ZNF264: variants seen among roughly 807,000 people sequenced by gnomAD.
ZNF264 encodes zinc finger protein 264.
Under a neutral mutation model 11.2 loss-of-function variants are expected in ZNF264, and 11 were observed. That is an observed-to-expected ratio of 0.98 (90% CI 0.62 to 1.63). ZNF264 has a LOEUF of 1.63. Among genes scored for constraint, ZNF264 ranks in the 40% most tolerant of loss-of-function variants. The pLI, the probability that ZNF264 is intolerant of heterozygous loss-of-function variation, is 0.00. For synonymous variants in ZNF264, 309 were observed against 279.8 expected (o/e 1.10, Z -1.04); for missense variants, 752 against 768.1 (o/e 0.98, Z 0.25).
chr19:57,212,871 A>G lies in ZNF264; in HGVS notation c.1774A>G (p.Lys592Glu), dbSNP rs745817610. The G allele has an allele frequency of 1.4e-5, 23 of 1,614,212 alleles. No homozygotes were observed. The highest frequency in any genetic ancestry group is 1.9e-5 in the Non-Finnish European group (22 of 1,180,036). Residue 592 changes from lysine (K) to glutamate (E), a missense_variant, in exon 4 of 4, where the codon AAG becomes GAG. Transcript: ENST00000263095. ...SVTLRELLLG[K>E]DFLNVTTEAN... Reference sequence around the variant, plus strand: ...TACCCTTCGAGAACTTCTTTTAGGGAAGGACTTTTTGAATGTAACCACTGA... The same window carrying G: ...TACCCTTCGAGAACTTCTTTTAGGGGAGGACTTTTTGAATGTAACCACTGA...
In ZNF264 at chr19:57,211,936, T is replaced by C; in HGVS notation, c.839T>C (p.Ile280Thr). 1 of 1,613,718 alleles carries C rather than the reference T, an allele frequency of 6.2e-7. No homozygotes were observed. Among genetic ancestry groups the C allele is most frequent in the Non-Finnish European group, 8.5e-7 (1 of 1,179,952 alleles). Residue 280 changes from isoleucine (I) to threonine (T), a missense_variant, in exon 4 of 4, where the codon ATT (isoleucine) becomes ACT (threonine). Coordinates refer to ENST00000263095, the MANE Select transcript of ZNF264 (RefSeq NM_003417.5). ...TCATACCTTACCCAGCACCAGCGGA[T>C]TCACAGTGGAGAGAAGCCTTACAAG... ...RKSYLTQHQR[I>T]HSGEKPYKCN...
At chr19:57,200,866 C>T (rs2087248040) in intron 2 of ZNF264, among the ~76,000 whole-genome samples, 1 of 151,900 alleles carries the variant, frequency 6.6e-6, no homozygotes, top group African/African-American at 2.4e-5. Flanking sequence ...TCCGCCTCAG[C>T]CTCCCAAAGT....
chr19:57,200,019 A>AG (rs10688254), intron 2 of ZNF264, among the ~76,000 whole-genome samples: 2 of 7,438 alleles, frequency 2.7e-4, no homozygotes, highest in Non-Finnish European at 6.4e-4. Context: ...AAAAAAAGAA[A>AG]AAATGATGAA....
intron 3 of ZNF264, among the ~76,000 whole-genome samples, chr19:57,208,284 A>G (rs930356753): frequency 2.0e-5 from 3 of 152,160 alleles, no homozygotes; most frequent in Admixed American, 1.3e-4. Context: ...AGTGGCTCAC[A>G]CCATAATCCC....
chr19:57,201,927 A>G (rs8108292), intron 2 of ZNF264, among the ~76,000 whole-genome samples: 74,412 of 151,472 alleles, frequency 0.49, 19,290 homozygotes, highest in African/African-American at 0.62. Flanking sequence ...ATTTGTATCT[A>G]TGGGCCAAGT....
At chr19:57,199,991 A>T (rs2087239191) in intron 2 of ZNF264, among the ~76,000 whole-genome samples, 1 of 119,314 alleles carries the variant, frequency 8.4e-6, no homozygotes. Flanking sequence ...TGCCTATTAA[A>T]CCTCCACTCC....
intron 2 of ZNF264, among the ~76,000 whole-genome samples, chr19:57,199,986 A>G (rs996738289): frequency 1.5e-5 from 2 of 135,148 alleles, no homozygotes; most frequent in African/African-American, 6.1e-5. Context: ...TCTTCTGCCT[A>G]TTAAACCTCC....
Position 57,214,149 on chromosome 19 carries a change from A to C in ZNF264, c.*1168A>C, listed in dbSNP as rs763979921. On this transcript the variant is annotated 3_prime_UTR_variant, in exon 4 of 4. Transcript: ENST00000263095. The stretch of plus-strand genomic sequence containing the variant: ...TTCGACAGAATCCTTGGAATTTTCT[A>C]TATAGAAATGTCATCTGCAAATACA... 1 of 152,200 alleles carries C rather than the reference A, an allele frequency of 6.6e-6. No individual in the cohort carries two copies. Among genetic ancestry groups the C allele is most frequent in the Non-Finnish European group, 1.5e-5 (1 of 68,036 alleles). The allele number at this position is 152,200 out of a possible 1,614,324, so 9.4% of individuals were successfully genotyped here. A position where few individuals can be genotyped will look rare whatever the true frequency, so the allele number is the denominator to read the frequency against.
At chr19:57,206,802 TA>T (rs2087296348) in intron 3 of ZNF264, among the ~76,000 whole-genome samples, 1 of 148,468 alleles carries the variant, frequency 6.7e-6, no homozygotes, top group Non-Finnish European at 1.5e-5. Flanking sequence ...AATCAGACAC[TA>T]AGAAGCAGTA....
chr19:57,194,110 C>G (rs2087195337), intron 2 of ZNF264, 109 bp downstream of exon 2: 2 of 1,440,036 alleles, frequency 1.4e-6, no homozygotes, highest in African/African-American at 2.9e-5. Context: ...TCTACCTTGC[C>G]TCTTTCCCAC....
At chr19:57,210,233 A>G (rs558752736) in intron 3 of ZNF264, among the ~76,000 whole-genome samples, 5 of 152,186 alleles carry the variant, frequency 3.3e-5, no homozygotes, top group African/African-American at 1.2e-4. Context: ...GACTCACTTC[A>G]TTGAGCACCT....
intron 2 of ZNF264, among the ~76,000 whole-genome samples, chr19:57,196,462 A>G (rs925962951): frequency 1.3e-5 from 2 of 151,898 alleles, no homozygotes; most frequent in South Asian, 4.1e-4. Context: ...ATGGTTCCAT[A>G]TTGAGGGCTC....
Position 57,212,284 on chromosome 19 carries a change from A to G in ZNF264, c.1187A>G (p.Glu396Gly). Residue 396 changes from glutamate (E) to glycine (G), a missense_variant, in exon 4 of 4, where the codon GAG (glutamate) becomes GGG (glycine). Coordinates refer to ENST00000263095, the MANE Select transcript of ZNF264 (RefSeq NM_003417.5). ...CACCACTATGTCATCCACACTGGAG[A>G]GAAGCCCTTTGAGTGCCTCGAGTGT... is the stretch of plus-strand genomic sequence containing the variant. ...LIHHYVIHTG[E>G]KPFECLECGK... 1 of 1,614,076 alleles carries G rather than the reference A, an allele frequency of 6.2e-7. No homozygotes were observed. Among genetic ancestry groups the G allele is most frequent in the East Asian group, 2.2e-5 (1 of 44,858 alleles).
At chr19:57,201,141 T>C (rs76891600) in intron 2 of ZNF264, among the ~76,000 whole-genome samples, 1,579 of 152,060 alleles carry the variant, frequency 0.01, 66 homozygotes, top group African/African-American at 0.037. Context: ...GGTATTGTGT[T>C]TGCTAGGCCT....
At chr19:57,200,617 C>T (rs1182273784) in intron 2 of ZNF264, among the ~76,000 whole-genome samples, 7 of 150,054 alleles carry the variant, frequency 4.7e-5, no homozygotes, top group African/African-American at 1.2e-4. Flanking sequence ...CCTTTTCTTT[C>T]GTTTTCTTTT....
At position 57,220,143 on chromosome 19, in the gene ZNF264, G is replaced by A. The variant is rs986620852; in HGVS notation, c.*7162G>A. The A allele has an allele frequency of 6.6e-6, 1 of 152,214 alleles. No individual in the cohort carries two copies. Among genetic ancestry groups the A allele is most frequent in the East Asian group, 1.9e-4 (1 of 5,200 alleles). The allele number at this position is 152,214 out of a possible 1,614,324, so 9.4% of individuals were successfully genotyped here. A position where few individuals can be genotyped will look rare whatever the true frequency, so the allele number is the denominator to read the frequency against. The stretch of plus-strand genomic sequence containing the variant: ...TTAGGAATGGGAGGCCACGTAGACT[G>A]GCTTCAGAATTCATGTCTTTAACCA... On this transcript the variant is annotated 3_prime_UTR_variant, in exon 4 of 4. Transcript: ENST00000263095.
intron 2 of ZNF264, chr19:57,194,628 G>A: frequency 2.6e-6 from 1 of 378,064 alleles, no homozygotes; most frequent in Non-Finnish European, 4.7e-6. Flanking sequence ...TGGTAGTCTA[G>A]GCCAGTCTAG....
rs773404643 is a variant in ZNF264, at chr19:57,213,581, T to G, written c.*600T>G. The G allele has an allele frequency of 3.3e-5, 5 of 152,218 alleles. No homozygotes were observed. Among genetic ancestry groups the G allele is most frequent in the Non-Finnish European group, 5.9e-5 (4 of 68,036 alleles). The allele number at this position is 152,218 out of a possible 1,614,324, so 9.4% of individuals were successfully genotyped here. On this transcript the variant is annotated 3_prime_UTR_variant, in exon 4 of 4. Coordinates refer to ENST00000263095, the MANE Select transcript of ZNF264 (RefSeq NM_003417.5). Reference sequence around the variant, plus strand: ...TTGTAGCCATATGGTAAATTTTTATTTGTTAAATTTTTAAAAATTACTTAG... The same window carrying G: ...TTGTAGCCATATGGTAAATTTTTATGTGTTAAATTTTTAAAAATTACTTAG...
chr19:57,193,988 C>T lies in ZNF264; in HGVS notation c.147C>T (p.Leu49=). Reference sequence around the variant, plus strand: ...AGGTGATGCTGGAAAACTGTGGGCTCCTGGTGTCTCTGGGTAAGGCCTTCC... The same window carrying T: ...AGGTGATGCTGGAAAACTGTGGGCTTCTGGTGTCTCTGGGTAAGGCCTTCC... ...YQEVMLENCG[L]LVSLGCPVPK... The change falls in exon 2 of 4, where the codon CTC becomes CTT. Residue 49 remains leucine, a synonymous_variant. Transcript: ENST00000263095. 6.2e-7 allele frequency: 1 copy of T among 1,611,654 alleles called. No individual in the cohort carries two copies. Among genetic ancestry groups the T allele is most frequent in the Non-Finnish European group, 8.5e-7 (1 of 1,178,658 alleles).
Sources: gnomAD v4.1 joint callset for allele counts (sites outside exome capture counted in the v4.1 genomes callset) on GRCh38, gnomAD v4.1.1 for gene constraint, MANE v1.5 for transcripts, NCBI Gene and HGNC (gene_info 2026-07-23, HGNC 2026-07-21) for gene names.